Variants in PSMC5 observed in about 807,000 individuals in gnomAD.
PSMC5 encodes 26S proteasome regulatory subunit 8.
A neutral mutation model predicts 49.1 loss-of-function variants in PSMC5; 11 were observed. The observed-to-expected ratio is 0.22, with a 90% CI of 0.14 to 0.37. The LOEUF (loss-of-function observed/expected upper bound fraction) is 0.37, where lower values mean the gene tolerates loss of function less well. PSMC5 is among the 10% of genes least tolerant of loss of function. The probability of loss-of-function intolerance (pLI) is 1.00; values close to 1 mark genes in which losing one functional copy is unlikely to be tolerated. For missense variants in PSMC5, 229 were observed against 520.9 expected (o/e 0.44, Z 5.45); for synonymous variants, 206 against 192.2 (o/e 1.07, Z -0.59).
intron 1 of PSMC5, 180 bp from the exon 2 acceptor site, chr17:63,827,957 TG>T: frequency 7.7e-7 from 1 of 1,299,788 alleles, no homozygotes; most frequent in Non-Finnish European, 1.0e-6. Context: ...ATTTTAGTCC[TG>T]GGAAAATGGA....
chr17:63,827,667 G>T (rs60005475), intron 1 of PSMC5, 153 bp downstream of exon 1: 27,510 of 1,483,350 alleles, frequency 0.019, 616 homozygotes, highest in African/African-American at 0.11. Context: ...CGGATCTGCT[G>T]TGTCAGCGCC....
Position 63,827,452 on chromosome 17 carries a change from G to C in PSMC5, c.-39G>C, listed in dbSNP as rs1464698432. ...CTCCGCTTCCGCGCTTGCGCGCCAA[G>C]ACGGCTCGGATGCCGGCGGTCTCTG... is the stretch of plus-strand genomic sequence containing the variant. On this transcript the variant is annotated 5_prime_UTR_variant, in exon 1 of 12. Coordinates refer to ENST00000310144, the MANE Select transcript of PSMC5 (RefSeq NM_002805.6). The C allele has an allele frequency of 6.4e-7, 1 of 1,551,634 alleles. No homozygotes were observed. The highest frequency in any genetic ancestry group is 8.7e-7 in the Non-Finnish European group (1 of 1,147,012).
Position 63,831,402 on chromosome 17 carries a change from G to A in PSMC5, c.946G>A (p.Glu316Lys). 1 of 1,613,958 alleles carries A rather than the reference G, an allele frequency of 6.2e-7. No homozygotes were observed. The highest frequency in any genetic ancestry group is 8.5e-7 in the Non-Finnish European group (1 of 1,179,990). Residue 316 changes from glutamate to lysine, a missense_variant, in exon 9 of 12, where the codon GAA becomes AAA. This residue lies in a region of PSMC5 where 121 missense variants were observed against 330.6 expected (regional missense o/e 0.37). Transcript: ENST00000310144. The surrounding 1 kb of genome is among the most constrained non-coding windows in gnomAD (Gnocchi z 6.3). ...LRPGRIDRKIEFPPPNEEARL... is the reference protein window; with the variant it reads ...LRPGRIDRKIKFPPPNEEARL... ...CCCAGGGCGCATTGACAGAAAAATT[G>A]AATTCCCACCCCCCAATGAGGAGGT...
chr17:63,830,670 T>C lies in PSMC5; in HGVS notation c.553-139T>C. On this transcript the variant is annotated intron_variant, in intron 6 of 11. Coordinates refer to ENST00000310144, the MANE Select transcript of PSMC5 (RefSeq NM_002805.6). This position sits in a 1 kb window ranked among gnomAD's most constrained non-coding sequence, Gnocchi z 4.0. ...AGTGTTCCTAGGGCGGTGAGGTGGT[T>C]TGGATAGAAGGGACCTTGATGTTCC... 5 of 1,445,772 alleles carry C rather than the reference T, an allele frequency of 3.5e-6. No individual in the cohort carries two copies. Among genetic ancestry groups the C allele is most frequent in the Non-Finnish European group, 4.6e-6 (5 of 1,091,962 alleles). 89.6% of individuals were successfully genotyped at this position (1,445,772 alleles called of 1,614,324 possible).
intron 1 of PSMC5, 136 bp from the exon 2 acceptor site, chr17:63,828,002 T>C (rs2040132029): frequency 7.7e-7 from 1 of 1,292,818 alleles, no homozygotes; most frequent in Non-Finnish European, 1.1e-6. Flanking sequence ...AGAACCCAGA[T>C]CCTGAGCCTC....
chr17:63,827,462 A>G lies in PSMC5; in HGVS notation c.-29A>G, dbSNP rs960399152. The G allele has an allele frequency of 1.3e-6, 2 of 1,551,586 alleles. No homozygotes were observed. Among genetic ancestry groups the G allele is most frequent in the Non-Finnish European group, 1.7e-6 (2 of 1,147,004 alleles). On this transcript the variant is annotated 5_prime_UTR_variant, in exon 1 of 12. It removes an upstream start codon present in the reference 5' UTR. Transcript: ENST00000310144. ...GCGCTTGCGCGCCAAGACGGCTCGG[A>G]TGCCGGCGGTCTCTGCTGAAGAGAG...
chr17:63,827,996 C>A, intron 1 of PSMC5, 142 bp from the exon 2 acceptor site: 3 of 1,294,870 alleles, frequency 2.3e-6, no homozygotes, highest in African/African-American at 1.5e-5. Context: ...GGGATTAGAA[C>A]CCAGATCCTG....
chr17:63,827,475 C>T lies in PSMC5; in HGVS notation c.-16C>T, dbSNP rs750869186. 4 of 1,551,734 alleles carry T rather than the reference C, an allele frequency of 2.6e-6. No individual in the cohort carries two copies. The highest frequency in any genetic ancestry group is 2.7e-5 in the African/African-American group (2 of 73,198). ...AAGACGGCTCGGATGCCGGCGGTCT[C>T]TGCTGAAGAGAGAAGATGGCGCTTG... On this transcript the variant is annotated 5_prime_UTR_variant, in exon 1 of 12. Coordinates refer to ENST00000310144, the MANE Select transcript of PSMC5 (RefSeq NM_002805.6).
Position 63,831,500 on chromosome 17 carries a change from C to T in PSMC5, c.970-6C>T. 1 of 1,613,954 alleles carries T rather than the reference C, an allele frequency of 6.2e-7. No homozygotes were observed. The highest frequency in any genetic ancestry group is 8.5e-7 in the Non-Finnish European group (1 of 1,179,882). ...TGGGGCTCAGGCTTTTCCTTGCCATCTCCAGGCCCGGCTGGACATTTTGAA... is the reference window on the plus strand; with the variant it reads ...TGGGGCTCAGGCTTTTCCTTGCCATTTCCAGGCCCGGCTGGACATTTTGAA... On this transcript the variant is annotated splice_polypyrimidine_tract_variant and splice_region_variant and intron_variant, in intron 9 of 11. Coordinates refer to ENST00000310144, the MANE Select transcript of PSMC5 (RefSeq NM_002805.6). This position sits in a 1 kb window ranked among gnomAD's most constrained non-coding sequence, Gnocchi z 6.3.
Position 63,831,486 on chromosome 17 carries a change from C to T in PSMC5, c.970-20C>T, listed in dbSNP as rs565006889. 1 of 1,613,460 alleles carries T rather than the reference C, an allele frequency of 6.2e-7. No individual in the cohort carries two copies. The highest frequency in any genetic ancestry group is 1.3e-5 in the African/African-American group (1 of 75,024). Reference sequence around the variant, plus strand: ...GTGGGGGTGGGGTGTGGGGCTCAGGCTTTTCCTTGCCATCTCCAGGCCCGG... The same window carrying T: ...GTGGGGGTGGGGTGTGGGGCTCAGGTTTTTCCTTGCCATCTCCAGGCCCGG... On this transcript the variant is annotated intron_variant, in intron 9 of 11. Coordinates refer to ENST00000310144, the MANE Select transcript of PSMC5 (RefSeq NM_002805.6). The surrounding 1 kb of genome is among the most constrained non-coding windows in gnomAD (Gnocchi z 6.3).
chr17:63,827,465 C>T lies in PSMC5; in HGVS notation c.-26C>T, dbSNP rs1161294238. The T allele has an allele frequency of 2.6e-6, 4 of 1,551,626 alleles. No homozygotes were observed. The highest frequency in any genetic ancestry group is 2.7e-5 in the African/African-American group (2 of 73,078). On this transcript the variant is annotated 5_prime_UTR_variant, in exon 1 of 12. Coordinates refer to ENST00000310144, the MANE Select transcript of PSMC5 (RefSeq NM_002805.6). The stretch of plus-strand genomic sequence containing the variant: ...CTTGCGCGCCAAGACGGCTCGGATG[C>T]CGGCGGTCTCTGCTGAAGAGAGAAG...
At position 63,830,738 on chromosome 17, in the gene PSMC5, ACT is replaced by A; in HGVS notation, c.553-69_553-68del. On this transcript the variant is annotated intron_variant, in intron 6 of 11. Transcript: ENST00000310144. The surrounding 1 kb of genome is among the most constrained non-coding windows in gnomAD (Gnocchi z 4.0). The stretch of plus-strand genomic sequence containing the variant: ...CCTAACATCTAGCAAGGGACCCAGC[ACT>A]CGGTAAATGTTCACTGAATGAAATG... 1 of 1,577,352 alleles carries A rather than the reference ACT, an allele frequency of 6.3e-7. No homozygotes were observed. Among genetic ancestry groups the A allele is most frequent in the Non-Finnish European group, 8.6e-7 (1 of 1,159,960 alleles).
At chr17:63,829,637 C>T in intron 3 of PSMC5, 74 bp downstream of exon 3, 1 of 1,420,036 alleles carries the variant, frequency 7.0e-7, no homozygotes, top group East Asian at 2.5e-5. Context: ...TGCACTGTGT[C>T]TTCACAGCAG....
chr17:63,829,865 G>A lies in PSMC5; in HGVS notation c.180G>A (p.Arg60=), dbSNP rs1217582201. The change falls in exon 4 of 12, where the codon CGG becomes CGA. Residue 60 remains arginine, a synonymous_variant. Transcript: ENST00000310144. ...NELNAKVRLL[R]EELQLLQEQG... is the part of the protein sequence containing the mutation. The stretch of plus-strand genomic sequence containing the variant: ...TTTGCCATCTAGTTCGCCTATTGCG[G>A]GAGGAGCTACAGCTGCTGCAGGAGC... 1 of 1,614,066 alleles carries A rather than the reference G, an allele frequency of 6.2e-7. No individual in the cohort carries two copies. Among genetic ancestry groups the A allele is most frequent in the Admixed American group, 1.7e-5 (1 of 60,010 alleles).
chr17:63,830,580 G>A lies in PSMC5; in HGVS notation c.552+79G>A. The A allele has an allele frequency of 1.3e-6, 2 of 1,552,138 alleles. No individual in the cohort carries two copies. The highest frequency in any genetic ancestry group is 1.7e-6 in the Non-Finnish European group (2 of 1,151,560). ...CAGCCAGCCCTACTGCAGGGGTTGG[G>A]GAGGCACCGGGATAGGCTGCATCTT... On this transcript the variant is annotated intron_variant, in intron 6 of 11. Coordinates refer to ENST00000310144, the MANE Select transcript of PSMC5 (RefSeq NM_002805.6). The surrounding 1 kb of genome is among the most constrained non-coding windows in gnomAD (Gnocchi z 4.0).
Position 63,830,583 on chromosome 17 carries a change from G to A in PSMC5, c.552+82G>A. 1.3e-6 allele frequency: 2 copies of A among 1,552,852 alleles called. No individual in the cohort carries two copies. Among genetic ancestry groups the A allele is most frequent in the Non-Finnish European group, 1.7e-6 (2 of 1,151,850 alleles). ...CCAGCCCTACTGCAGGGGTTGGGGA[G>A]GCACCGGGATAGGCTGCATCTTGCT... is the stretch of plus-strand genomic sequence containing the variant. On this transcript the variant is annotated intron_variant, in intron 6 of 11. Transcript: ENST00000310144. The surrounding 1 kb of genome is among the most constrained non-coding windows in gnomAD (Gnocchi z 4.0).
chr17:63,831,462 T>G lies in PSMC5; in HGVS notation c.969+37T>G. On this transcript the variant is annotated intron_variant, in intron 9 of 11. Transcript: ENST00000310144. This position sits in a 1 kb window ranked among gnomAD's most constrained non-coding sequence, Gnocchi z 6.3. The stretch of plus-strand genomic sequence containing the variant: ...ACACTGTGCAAAGTGGCTCTGGCTG[T>G]GGGGGTGGGGTGTGGGGCTCAGGCT... The G allele has an allele frequency of 3.1e-6, 5 of 1,612,158 alleles. No individual in the cohort carries two copies. The highest frequency in any genetic ancestry group is 4.2e-6 in the Non-Finnish European group (5 of 1,178,442).
At position 63,830,929 on chromosome 17, in the gene PSMC5, G is replaced by A; in HGVS notation, c.673G>A (p.Gly225Arg). 6.2e-7 allele frequency: 1 copy of A among 1,614,058 alleles called. No homozygotes were observed. Among genetic ancestry groups the A allele is most frequent in the Non-Finnish European group, 8.5e-7 (1 of 1,179,988 alleles). The change falls in exon 7 of 12, where the codon GGG (glycine) becomes AGG (arginine). Residue 225 changes from glycine to arginine, a missense_variant. Physicochemically the swap from Gly to Arg is moderately radical, Grantham distance 125. This residue lies in a region of PSMC5 where 121 missense variants were observed against 330.6 expected (regional missense o/e 0.37). Coordinates refer to ENST00000310144, the MANE Select transcript of PSMC5 (RefSeq NM_002805.6). The surrounding 1 kb of genome is among the most constrained non-coding windows in gnomAD (Gnocchi z 4.0). Reference sequence around the variant, plus strand: ...CTCTGAACTGGTACAGAAATTCATAGGGGAAGGTAACCATGGCTAGCAATG... The same window carrying A: ...CTCTGAACTGGTACAGAAATTCATAAGGGAAGGTAACCATGGCTAGCAATG... ...SGSELVQKFI[G>R]EGARMVRELF...
chr17:63,828,788 C>T (rs2040144560), intron 2 of PSMC5: 1 of 155,094 alleles, frequency 6.4e-6, no homozygotes. Context: ...TTACAGACAA[C>T]ATAAACAGTA....
Sources: allele counts gnomAD v4.1 joint callset, GRCh38; gene constraint gnomAD v4.1.1; regional missense constraint gnomAD v4.1.1; non-coding constraint Gnocchi (gnomAD v3.1); transcripts MANE v1.5; gene names NCBI Gene and HGNC (gene_info 2026-07-23, HGNC 2026-07-21).